ZNF705B: variants seen among roughly 807,000 people sequenced by gnomAD.
The protein encoded by ZNF705B is zinc finger protein 705B.
Under a neutral mutation model 10.5 loss-of-function variants are expected in ZNF705B, and 1 was observed. That is an observed-to-expected ratio of 0.10 (90% CI 0.03 to 0.45). The LOEUF is 0.45. Ranked by LOEUF, ZNF705B falls within the 20% of genes least tolerant of loss-of-function variation. The pLI is 0.97. For synonymous variants in ZNF705B, 4 were observed against 25.4 expected, an observed-to-expected ratio of 0.16 and a Z score of 2.53; for missense variants, 14 against 84.0, an observed-to-expected ratio of 0.17 and a Z score of 3.26.
chr8:7,932,043 G>A (rs1819863566), intron 2 of ZNF705B, among the ~76,000 whole-genome samples: 1 of 119,436 alleles, frequency 8.4e-6, no homozygotes, highest in African/African-American at 2.5e-5. Context: ...ACAGCTGCCT[G>A]TGTCTGGGGG....
At chr8:7,929,184 T>A (rs1487096826) in intron 1 of ZNF705B, among the ~76,000 whole-genome samples, 1 of 121,924 alleles carries the variant, frequency 8.2e-6, no homozygotes, top group Non-Finnish European at 2.0e-5. Flanking sequence ...TATTAAATAT[T>A]GGTTAATTTA....
intron 2 of ZNF705B, among the ~76,000 whole-genome samples, chr8:7,937,300 T>C (rs1820042957): frequency 1.7e-5 from 2 of 114,290 alleles, no homozygotes; most frequent in African/African-American, 2.6e-5. Flanking sequence ...CAGTTCTGCT[T>C]CAATGTCTAC....
intron 2 of ZNF705B, among the ~76,000 whole-genome samples, chr8:7,940,593 T>A (rs1820122997): frequency 7.5e-6 from 1 of 132,704 alleles, no homozygotes; most frequent in Non-Finnish European, 1.7e-5. Flanking sequence ...CATCTACCCA[T>A]TTCCCCAGCA....
intron 2 of ZNF705B, among the ~76,000 whole-genome samples, chr8:7,933,929 CTTTTTTTTTTTTT>C (rs1162997944): frequency 3.4e-5 from 1 of 29,364 alleles, no homozygotes; most frequent in African/African-American, 7.8e-5. Flanking sequence ...GTAATATAAA[CTTTTTTTTTTTTT>C]TTTTTTTTTT....
chr8:7,944,942 C>A (rs1465923228), intron 2 of ZNF705B, among the ~76,000 whole-genome samples: 1 of 59,488 alleles, frequency 1.7e-5, no homozygotes, highest in African/African-American at 4.2e-5. Flanking sequence ...TGCACTCCAG[C>A]CTGGGCAACA....
At chr8:7,940,770 T>C (rs1820130334) in intron 2 of ZNF705B, among the ~76,000 whole-genome samples, 1 of 138,510 alleles carries the variant, frequency 7.2e-6, no homozygotes, top group African/African-American at 2.6e-5. Context: ...TGACAGGGTT[T>C]CGTTATTATG....
intron 2 of ZNF705B, among the ~76,000 whole-genome samples, chr8:7,937,249 C>T (rs1382363014): frequency 5.1e-5 from 6 of 118,316 alleles, no homozygotes; most frequent in African/African-American, 1.5e-4. Context: ...TGCCCTCTCT[C>T]TGTGTCCTCC....
At chr8:7,940,628 C>T (rs1288208320) in intron 2 of ZNF705B, among the ~76,000 whole-genome samples, 1 of 144,860 alleles carries the variant, frequency 6.9e-6, no homozygotes, top group Non-Finnish European at 1.5e-5. Flanking sequence ...AACCACCATT[C>T]TACTCTCTGC....
rs2698882 is a variant in ZNF705B at position 7,930,175 on chromosome 8, G to A, written c.-221-112G>A. The A allele has an allele frequency of 5.1e-3, 575 of 112,164 alleles. 19 individuals are homozygous for A. Among genetic ancestry groups the A allele is most frequent in the African/African-American group, 0.013 (497 of 37,186 alleles). 6.9% of individuals were successfully genotyped at this position (112,164 alleles called of 1,614,324 possible). ...AGTTCACAGTGTCTATAATTCCCATGTTTATGTCCATGTCTGCTCAATGCT... is the reference window on the plus strand; with the variant it reads ...AGTTCACAGTGTCTATAATTCCCATATTTATGTCCATGTCTGCTCAATGCT... On this transcript the variant is annotated intron_variant, in intron 1 of 6. Coordinates refer to ENST00000400120, the MANE Select transcript of ZNF705B (RefSeq NM_001193630.1).
At chr8:7,928,025 C>A (rs1819745532) in intron 1 of ZNF705B, among the ~76,000 whole-genome samples, 1 of 131,576 alleles carries the variant, frequency 7.6e-6, no homozygotes, top group Non-Finnish European at 1.8e-5. Context: ...GTAATATAAA[C>A]AGGGTGGCTT....
chr8:7,940,435 G>T (rs2128944462), intron 2 of ZNF705B, among the ~76,000 whole-genome samples: 2 of 124,288 alleles, frequency 1.6e-5, no homozygotes, highest in African/African-American at 5.5e-5. Flanking sequence ...TTTTTTTTTT[G>T]GTAAGAAATA....
At chr8:7,937,606 C>G (rs1266655083) in intron 2 of ZNF705B, among the ~76,000 whole-genome samples, 3 of 121,752 alleles carry the variant, frequency 2.5e-5, no homozygotes, top group Non-Finnish European at 5.9e-5. Flanking sequence ...TAAAAAAAAT[C>G]AAACCCATGT....
At chr8:7,932,390 C>G (rs1429996730) in intron 2 of ZNF705B, among the ~76,000 whole-genome samples, 1 of 121,144 alleles carries the variant, frequency 8.3e-6, no homozygotes, top group African/African-American at 2.5e-5. Context: ...TACTTGCTGT[C>G]TTGGTCTTTC....
intron 1 of ZNF705B, among the ~76,000 whole-genome samples, chr8:7,929,633 A>T (rs1819786699): frequency 8.1e-6 from 1 of 122,798 alleles, no homozygotes; most frequent in Non-Finnish European, 1.9e-5. Context: ...CCCATGCCAT[A>T]ATTTGAACAT....
At chr8:7,930,774 T>C (rs1370899549) in intron 2 of ZNF705B, among the ~76,000 whole-genome samples, 1 of 114,458 alleles carries the variant, frequency 8.7e-6, no homozygotes, top group Non-Finnish European at 2.1e-5. Context: ...ACACTAATAC[T>C]AATAACAAAT....
chr8:7,941,238 G>C (rs545771702), intron 2 of ZNF705B, among the ~76,000 whole-genome samples: 3 of 144,968 alleles, frequency 2.1e-5, no homozygotes, highest in African/African-American at 5.0e-5. Context: ...CGGTATTTCT[G>C]GTTGTAGGTC....
intron 1 of ZNF705B, among the ~76,000 whole-genome samples, chr8:7,927,464 T>C (rs1819724796): frequency 8.2e-6 from 1 of 121,390 alleles, no homozygotes; most frequent in African/African-American, 2.5e-5. Context: ...AAATGTCTTT[T>C]TTTGAGAAAT....
At chr8:7,933,938 T>TC (rs1819923774) in intron 2 of ZNF705B, among the ~76,000 whole-genome samples, 8 of 51,002 alleles carry the variant, frequency 1.6e-4, no homozygotes, top group African/African-American at 3.6e-4. Context: ...ACTTTTTTTT[T>TC]TTTTTTTTTT....
intron 2 of ZNF705B, among the ~76,000 whole-genome samples, chr8:7,931,756 C>A (rs1186608661): frequency 1.5e-5 from 2 of 130,978 alleles, no homozygotes; most frequent in African/African-American, 5.0e-5. Context: ...TGACTCTCCA[C>A]TTGAGAAGAG....
Sources: allele counts gnomAD v4.1 joint callset (sites outside exome capture counted in the v4.1 genomes callset), GRCh38; gene constraint gnomAD v4.1.1; transcripts MANE v1.5; gene names NCBI Gene and HGNC (gene_info 2026-07-23, HGNC 2026-07-21).